The following SLC4A4 variants were observed in gnomAD, a reference collection of about 807,000 sequenced individuals.
SLC4A4 encodes the protein solute carrier family 4 member 4.
A neutral mutation model predicts 111.5 loss-of-function variants in SLC4A4; 27 were observed. The observed-to-expected ratio is 0.24, with a 90% confidence interval of 0.18 to 0.33. The LOEUF (loss-of-function observed/expected upper bound fraction) is 0.33, where lower values mean the gene tolerates loss of function less well. SLC4A4 is among the 10% of genes least tolerant of loss of function. The pLI is 1.00. For synonymous variants in SLC4A4, 443 were observed against 463.4 expected (o/e 0.96, Z 0.57); for missense variants, 909 against 1,315.5 (o/e 0.69, Z 4.78).
At chr4:71,172,739 A>T (rs1198984978) in intron 2 of SLC4A4, among the ~76,000 whole-genome samples, 8 of 152,216 alleles carry the variant, frequency 5.3e-5, no homozygotes, top group Admixed American at 5.2e-4. Context: ...AGGGATGAAG[A>T]TTACTAGCAT....
At position 71,208,501 on chromosome 4, in the gene SLC4A4, G is replaced by A. The variant is rs1717929175; in HGVS notation, c.-2+21100G>A. Among the ~76,000 whole-genome samples, 2 of 150,574 alleles carry A rather than the reference G, an allele frequency of 1.3e-5. 1 individual carries two copies. Among genetic ancestry groups the A allele is most frequent in the South Asian group, 4.2e-4 (2 of 4,780 alleles). On this transcript the variant is annotated intron_variant, in intron 1 of 25. Transcript: ENST00000264485. ...TTACAGGTATCCAGATATATTATTG[G>A]CTAATCATTATCTGTAAAATGAAAA... is the stretch of plus-strand genomic sequence containing the variant.
At chr4:71,143,848 C>T (rs1744082403) in intron 2 of SLC4A4, among the ~76,000 whole-genome samples, 1 of 151,838 alleles carries the variant, frequency 6.6e-6, no homozygotes, top group African/African-American at 2.4e-5. Flanking sequence ...GGATATTAGC[C>T]CTTTGTCAGA....
rs180948140 is a variant in SLC4A4, at chr4:71,217,602, G to C, written c.-1-18974G>C. 3.9e-5 allele frequency among the ~76,000 whole-genome samples: 6 copies of C among 152,132 alleles called. 1 individual carries two copies. Among genetic ancestry groups the C allele is most frequent in the African/African-American group, 1.4e-4 (6 of 41,534 alleles). ...AAAACAAACCACCAACAACGAAATG[G>C]CATTTATGTAGCTTAGAGAGTAGTT... On this transcript the variant is annotated intron_variant, in intron 1 of 25. Transcript: ENST00000264485.
At chr4:71,336,229 G>A (rs967266011) in intron 3 of SLC4A4, among the ~76,000 whole-genome samples, 3 of 152,136 alleles carry the variant, frequency 2.0e-5, no homozygotes, top group African/African-American at 2.4e-5. Flanking sequence ...GTGTACCTGT[G>A]TATTTAAATA....
intron 16 of SLC4A4, among the ~76,000 whole-genome samples, chr4:71,526,296 G>C (rs1733413828): frequency 6.6e-6 from 1 of 151,994 alleles, no homozygotes; most frequent in Non-Finnish European, 1.5e-5. Flanking sequence ...AGTGATTTCT[G>C]CTGTAATTAA....
At chr4:71,174,663 C>A (rs569984883) in intron 2 of SLC4A4, among the ~76,000 whole-genome samples, 2 of 152,232 alleles carry the variant, frequency 1.3e-5, no homozygotes, top group South Asian at 2.1e-4. Flanking sequence ...TTTTTTACTG[C>A]CACTCCACCT....
intron 3 of SLC4A4, among the ~76,000 whole-genome samples, chr4:71,281,756 G>A (rs1723535000): frequency 2.0e-5 from 3 of 152,154 alleles, no homozygotes; most frequent in Admixed American, 1.3e-4. Flanking sequence ...GCTACAGTGG[G>A]TTATTGGCAG....
intron 7 of SLC4A4, among the ~76,000 whole-genome samples, chr4:71,419,156 T>C (rs563598598): frequency 6.6e-6 from 1 of 152,316 alleles, no homozygotes; most frequent in African/African-American, 2.4e-5. Context: ...AGGGACACAC[T>C]TGAGGAGGCA....
At chr4:71,462,704 C>T (rs1450167439) in intron 12 of SLC4A4, among the ~76,000 whole-genome samples, 4 of 152,132 alleles carry the variant, frequency 2.6e-5, no homozygotes, top group East Asian at 3.9e-4. Flanking sequence ...CCGCTATGCC[C>T]GGCTGTCATC....
chr4:71,329,820 G>C (rs1054853405), intron 3 of SLC4A4, among the ~76,000 whole-genome samples: 3 of 151,992 alleles, frequency 2.0e-5, no homozygotes, highest in South Asian at 2.1e-4. Flanking sequence ...TCTCTTGTTT[G>C]ATTGCTCTTG....
Position 71,394,484 on chromosome 4 carries a change from C to A in SLC4A4, c.731-3093C>A, listed in dbSNP as rs192128851. 1.4e-4 allele frequency among the ~76,000 whole-genome samples: 21 copies of A among 152,016 alleles called. No homozygotes were observed. In the East Asian group the frequency reaches 3.5e-3, roughly 25 times the overall value. On this transcript the variant is annotated intron_variant, in intron 6 of 25. Coordinates refer to ENST00000264485, the MANE Select transcript of SLC4A4 (RefSeq NM_001098484.3). ...TTACTCCTGCAAGAATGGCCATAAT[C>A]AAAAAATCAAAAAACAGTAAATGTT...
At chr4:71,437,330 T>A in intron 7 of SLC4A4, 1 of 360,260 alleles carries the variant, frequency 2.8e-6, no homozygotes, top group Non-Finnish European at 5.4e-6. Context: ...GGAAATACAC[T>A]CAATTTCCAG....
At chr4:71,443,083 A>ACTCTCTCTCTCTCTCTCT (rs1180993467) in intron 8 of SLC4A4, among the ~76,000 whole-genome samples, 8 of 31,448 alleles carry the variant, frequency 2.5e-4, no homozygotes, top group African/African-American at 1.4e-3. Flanking sequence ...AGAGGCCACT[A>ACTCTCTCTCTCTCTCTCT]CTCTCTCTCT....
chr4:71,435,348 G>A lies in SLC4A4; in HGVS notation c.808-5268G>A, dbSNP rs192919794. Reference sequence around the variant, plus strand: ...TAATAAATGGTGTTGGGAAAACTGGGTAGCCATATGCAGAAAACTGAAACT... The same window carrying A: ...TAATAAATGGTGTTGGGAAAACTGGATAGCCATATGCAGAAAACTGAAACT... On this transcript the variant is annotated intron_variant, in intron 7 of 25. Transcript: ENST00000264485. Among the ~76,000 whole-genome samples the A allele has an allele frequency of 6.4e-3, 978 of 152,124 alleles. 6 individuals are homozygous for A. Among genetic ancestry groups the A allele is most frequent in the Non-Finnish European group, 9.6e-3 (652 of 67,934 alleles).
chr4:71,486,045 G>A (rs764516741), intron 14 of SLC4A4, among the ~76,000 whole-genome samples: 33 of 151,570 alleles, frequency 2.2e-4, no homozygotes, highest in Admixed American at 3.3e-4. Context: ...GACTGGAGTA[G>A]GGATCAAACA....
At chr4:71,547,772 T>C in intron 20 of SLC4A4, 52 bp downstream of exon 20, 1 of 1,433,948 alleles carries the variant, frequency 7.0e-7, no homozygotes, top group Non-Finnish European at 9.8e-7. Flanking sequence ...GACATATAAT[T>C]GGACATGTGA....
chr4:71,460,595 G>T (rs1476861299), intron 12 of SLC4A4, among the ~76,000 whole-genome samples: 1 of 152,136 alleles, frequency 6.6e-6, no homozygotes, highest in Non-Finnish European at 1.5e-5. Context: ...TAAGGATTTG[G>T]CAGCTGTGAT....
chr4:71,282,527 C>T (rs567196854), intron 3 of SLC4A4, among the ~76,000 whole-genome samples: 5 of 151,882 alleles, frequency 3.3e-5, no homozygotes, highest in East Asian at 1.9e-4. Context: ...TCAGGTGATC[C>T]GCCCACCTCG....
chr4:71,440,557 A>G, intron 7 of SLC4A4, 59 bp from the exon 8 acceptor site: 1 of 1,589,722 alleles, frequency 6.3e-7, no homozygotes, highest in Non-Finnish European at 8.6e-7. Context: ...TGGAACTAAT[A>G]GTAATTCCAC....
Sources: gnomAD v4.1 joint callset for allele counts (sites outside exome capture counted in the v4.1 genomes callset) on GRCh38, gnomAD v4.1.1 for gene constraint, MANE v1.5 for transcripts, NCBI Gene and HGNC (gene_info 2026-07-23, HGNC 2026-07-21) for gene names.